KLRD1: variants seen among roughly 807,000 people sequenced by gnomAD.
KLRD1 encodes natural killer cells antigen CD94.
Under a neutral mutation model 22.6 loss-of-function variants are expected in KLRD1, and 21 were observed. The ratio of observed to expected loss-of-function variants is 0.93; its 90% CI spans 0.66 to 1.34. The LOEUF (loss-of-function observed/expected upper bound fraction) is 1.34, where lower values mean the gene tolerates loss of function less well. Ranked by LOEUF, KLRD1 falls within the 40% of genes most tolerant of loss-of-function variation. The pLI, the probability that KLRD1 is intolerant of heterozygous loss-of-function variation, is 0.00. For missense variants in KLRD1, 183 were observed against 208.6 expected (o/e 0.88, Z 0.76); for synonymous variants, 59 against 71.1 (o/e 0.83, Z 0.85).
At chr12:10,313,296 G>A in intron 4 of KLRD1, 114 bp from the exon 5 acceptor site, 1 of 536,162 alleles carries the variant, frequency 1.9e-6, no homozygotes, top group Non-Finnish European at 3.3e-6. Context: ...AATAATTTCC[G>A]TTTGTGTGAT....
At chr12:10,255,982 GTT>G in intron 1 of KLRD1, among the ~76,000 whole-genome samples, 1 of 151,984 alleles carries the variant, frequency 6.6e-6, no homozygotes, top group East Asian at 1.9e-4. Context: ...GTCAAAGTTT[GTT>G]TCATATATTT....
chr12:10,246,760 G>GT (rs1272592402), intron 1 of KLRD1, among the ~76,000 whole-genome samples: 1 of 151,966 alleles, frequency 6.6e-6, no homozygotes, highest in Non-Finnish European at 1.5e-5. Context: ...TTGATGTGAG[G>GT]TTTTTTAATT....
At chr12:10,283,515 T>G (rs752282974) in intron 1 of KLRD1, among the ~76,000 whole-genome samples, 9 of 151,394 alleles carry the variant, frequency 5.9e-5, no homozygotes, top group Non-Finnish European at 1.3e-4. Flanking sequence ...GATCTCATGG[T>G]GTATTCCTAT....
chr12:10,288,849 T>G (rs894761294), intron 1 of KLRD1, among the ~76,000 whole-genome samples: 2 of 152,212 alleles, frequency 1.3e-5, no homozygotes, highest in Non-Finnish European at 1.5e-5. Context: ...TGAGAATGTA[T>G]AAAGTGTTTA....
At chr12:10,313,361 C>A (rs1380936600) in intron 4 of KLRD1, 49 bp from the exon 5 acceptor site, 1 of 1,120,148 alleles carries the variant, frequency 8.9e-7, no homozygotes, top group Non-Finnish European at 1.3e-6. Flanking sequence ...ATGTTATTCC[C>A]AGAATAGATT....
chr12:10,295,907 C>T lies in KLRD1; in HGVS notation c.-100-12071C>T, dbSNP rs183818166. On this transcript the variant is annotated intron_variant, in intron 1 of 5. Transcript: ENST00000544747. ...AGATAAGCAATCATAATTCTAATAC[C>T]GTGTTTCAATGCAGAGTGAGATTTT... Among the ~76,000 whole-genome samples the T allele has an allele frequency of 5.9e-5, 9 of 152,120 alleles. No individual in the cohort carries two copies. The East Asian group carries it at 9.7e-4, about 16-fold the overall frequency.
At chr12:10,264,103 G>A (rs541616396) in intron 1 of KLRD1, among the ~76,000 whole-genome samples, 1 of 152,078 alleles carries the variant, frequency 6.6e-6, no homozygotes, top group Non-Finnish European at 1.5e-5. Context: ...TTCTACCCAA[G>A]AATATTCTTG....
At chr12:10,263,074 A>G (rs1354023295) in intron 1 of KLRD1, among the ~76,000 whole-genome samples, 1 of 152,050 alleles carries the variant, frequency 6.6e-6, no homozygotes, top group East Asian at 1.9e-4. Context: ...ACAATGCTTC[A>G]TATATCTGTT....
chr12:10,253,049 AT>A (rs1186406242), intron 1 of KLRD1, among the ~76,000 whole-genome samples: 3 of 151,914 alleles, frequency 2.0e-5, no homozygotes, highest in Non-Finnish European at 2.9e-5. Flanking sequence ...TGCTTTTAAT[AT>A]TTTTTTATCA....
chr12:10,277,837 CTCAA>C (rs1949605669), intron 1 of KLRD1, among the ~76,000 whole-genome samples: 1 of 152,156 alleles, frequency 6.6e-6, no homozygotes, highest in Non-Finnish European at 1.5e-5. Context: ...TTAGTGCAGA[CTCAA>C]TCAACAGCTT....
intron 1 of KLRD1, among the ~76,000 whole-genome samples, chr12:10,275,905 T>C (rs1224371576): frequency 6.6e-6 from 1 of 152,188 alleles, no homozygotes; most frequent in Non-Finnish European, 1.5e-5. Flanking sequence ...CCCCAGAGTG[T>C]TTCCTGCATT....
chr12:10,271,111 T>TTA (rs1592045023), intron 1 of KLRD1, among the ~76,000 whole-genome samples: 3 of 151,060 alleles, frequency 2.0e-5, no homozygotes. Context: ...TTTTTTTTTT[T>TTA]AAACTATATC....
rs575710408 is a variant in KLRD1, at chr12:10,310,122, G to A, written c.163+434G>A. Among the ~76,000 whole-genome samples the A allele has an allele frequency of 5.3e-5, 8 of 152,216 alleles. No homozygotes were observed. The East Asian group carries it at 9.7e-4, about 18-fold the overall frequency. On this transcript the variant is annotated intron_variant, in intron 3 of 5. Coordinates refer to ENST00000336164, the MANE Select transcript of KLRD1 (RefSeq NM_002262.5). The stretch of plus-strand genomic sequence containing the variant: ...AAAGCCAGCTCAAAGTCCAATTTTC[G>A]TTTTTGGAGATGGAGTTTTGCTCTT...
chr12:10,286,009 A>G (rs1300208594), intron 1 of KLRD1, among the ~76,000 whole-genome samples: 3 of 152,178 alleles, frequency 2.0e-5, no homozygotes, highest in Non-Finnish European at 2.9e-5. Context: ...TGTTTGCAAC[A>G]GCATCTTACT....
At position 10,324,818 on chromosome 12, in the gene KLRD1, G is replaced by GTGTATATATATATA. The variant is rs750696767; in HGVS notation, c.*10026_*10027insGTATATATATATAT. The GTGTATATATATATA allele has an allele frequency of 8.7e-3, 647 of 74,120 alleles. 8 individuals carry two copies. Among genetic ancestry groups the GTGTATATATATATA allele is most frequent in the East Asian group, 0.025 (43 of 1,730 alleles). 4.6% of individuals were successfully genotyped at this position (74,120 alleles called of 1,614,324 possible). Reference sequence around the variant, plus strand: ...AGTATATATGTATATGTGTGTGTGTGTATATATATATATATATATATATAT... The same window carrying GTGTATATATATATA: ...AGTATATATGTATATGTGTGTGTGTGTGTATATATATATATATATATATATATATATATATATAT... On this transcript the variant is annotated 3_prime_UTR_variant, in exon 6 of 6. Transcript: ENST00000336164.
At chr12:10,310,547 C>G (rs538522992) in intron 3 of KLRD1, among the ~76,000 whole-genome samples, 3 of 152,186 alleles carry the variant, frequency 2.0e-5, no homozygotes, top group African/African-American at 7.2e-5. Context: ...CGTCTGTAAT[C>G]CCAGCTCTTT....
chr12:10,309,753 C>G, intron 3 of KLRD1, 65 bp downstream of exon 3: 1 of 1,122,736 alleles, frequency 8.9e-7, no homozygotes, highest in African/African-American at 1.5e-5. Context: ...TCTTGTTTTT[C>G]ACACAGAGAG....
intron 1 of KLRD1, among the ~76,000 whole-genome samples, chr12:10,288,361 A>C (rs1949731133): frequency 6.6e-6 from 1 of 152,146 alleles, no homozygotes; most frequent in Non-Finnish European, 1.5e-5. Flanking sequence ...ACCTACATTC[A>C]ATATATCTGT....
chr12:10,306,024 C>G (rs1194387565), upstream of KLRD1, among the ~76,000 whole-genome samples: 1 of 151,904 alleles, frequency 6.6e-6, no homozygotes, highest in Non-Finnish European at 1.5e-5. Flanking sequence ...AAAAAATTAG[C>G]TGGGCGTGGT....
Sources: gnomAD v4.1 joint callset for allele counts (sites outside exome capture counted in the v4.1 genomes callset) on GRCh38, gnomAD v4.1.1 for gene constraint, MANE v1.5 for transcripts, NCBI Gene and HGNC (gene_info 2026-07-23, HGNC 2026-07-21) for gene names.